Variants in RFC3 observed in about 807,000 individuals in gnomAD.
RFC3 encodes the protein A1 38 kDa subunit.
In RFC3, 41 loss-of-function variants were observed where a neutral mutation model predicts 45.1. That is an observed-to-expected ratio of 0.91 (90% CI 0.71 to 1.18). The LOEUF is 1.18. RFC3 is among the 50% of genes most tolerant of loss of function. RFC3 has a pLI of 0.00. For missense variants in RFC3, 423 were observed against 428.1 expected (o/e 0.99, Z 0.10); for synonymous variants, 149 against 144.0 (o/e 1.03, Z -0.25).
intron 8 of RFC3, among the ~76,000 whole-genome samples, chr13:33,944,755 C>T (rs1025129774): frequency 3.3e-5 from 5 of 152,086 alleles, no homozygotes; most frequent in South Asian, 4.1e-4. Flanking sequence ...CCCACCCACA[C>T]GCACACACTC....
chr13:33,822,846 C>T (rs1290619678), intron 2 of RFC3, among the ~76,000 whole-genome samples: 1 of 152,016 alleles, frequency 6.6e-6, no homozygotes, highest in Middle Eastern at 3.2e-3. Context: ...AAAGTAGATA[C>T]CTGGATATAT....
rs76307050 is a variant in RFC3, at chr13:33,957,005, A to G, written c.880-9082A>G. On this transcript the variant is annotated intron_variant, in intron 8 of 8. Transcript: ENST00000434425. ...ATCATCTAACATTTATCTACCTACT[A>G]TCTATTATCTATCATCTATCTATCC... 1.7e-3 allele frequency among the ~76,000 whole-genome samples: 264 copies of G among 152,170 alleles called. 5 individuals are homozygous for G. In the East Asian group the frequency reaches 0.043, roughly 25 times the overall value.
At chr13:33,948,440 C>G (rs2137823351) in intron 8 of RFC3, among the ~76,000 whole-genome samples, 1 of 152,366 alleles carries the variant, frequency 6.6e-6, no homozygotes, top group South Asian at 2.1e-4. Context: ...AGAACCTCCA[C>G]TAGGGCAGTG....
chr13:33,828,239 T>A (rs1380209303), intron 4 of RFC3, among the ~76,000 whole-genome samples: 1 of 152,212 alleles, frequency 6.6e-6, no homozygotes, highest in African/African-American at 2.4e-5. Flanking sequence ...TTATTGGGAT[T>A]CTTTCCTTTG....
At position 33,897,373 on chromosome 13, in the gene RFC3, T is replaced by A. The variant is rs192298998; in HGVS notation, c.879+62156T>A. Reference sequence around the variant, plus strand: ...AAAATAACTTGTTACATATATGAAATTTTTTTGATAAGCCTCATGGTACTC... The same window carrying A: ...AAAATAACTTGTTACATATATGAAAATTTTTTGATAAGCCTCATGGTACTC... On this transcript the variant is annotated intron_variant, in intron 8 of 8. Coordinates refer to the RFC3 transcript ENST00000434425. Among the ~76,000 whole-genome samples the A allele has an allele frequency of 2.1e-3, 309 of 149,782 alleles. 3 individuals are homozygous for A. The East Asian group carries it at 0.038, about 18-fold the overall frequency.
At chr13:33,898,778 A>G (rs927694348) in intron 8 of RFC3, among the ~76,000 whole-genome samples, 1 of 151,824 alleles carries the variant, frequency 6.6e-6, no homozygotes, top group African/African-American at 2.4e-5. Context: ...AAGAGAGAAA[A>G]TCCAGGTAAA....
chr13:33,893,358 G>A, intron 8 of RFC3, among the ~76,000 whole-genome samples: 1 of 152,190 alleles, frequency 6.6e-6, no homozygotes, highest in South Asian at 2.1e-4. Flanking sequence ...CAACAACCTA[G>A]CACTGAAGAA....
At chr13:33,923,355 CA>C (rs931071421) in intron 8 of RFC3, among the ~76,000 whole-genome samples, 1 of 151,904 alleles carries the variant, frequency 6.6e-6, no homozygotes, top group Non-Finnish European at 1.5e-5. Flanking sequence ...CAGCTGGGCC[CA>C]AAAAATGCCA....
chr13:33,834,531 T>G (rs3135626), intron 7 of RFC3, among the ~76,000 whole-genome samples: 2,593 of 151,952 alleles, frequency 0.017, 66 homozygotes, highest in East Asian at 0.11. Flanking sequence ...GGTTGCGTGC[T>G]TACCTGTAAA....
At chr13:33,972,433 A>C in the RFC3 span, among the ~76,000 whole-genome samples, 2 of 152,060 alleles carry the variant, frequency 1.3e-5, no homozygotes, top group African/African-American at 4.8e-5. Context: ...CCTAGATTGG[A>C]GTTCTTTTCT....
chr13:33,906,073 A>G (rs2082670262), intron 8 of RFC3, among the ~76,000 whole-genome samples: 2 of 152,132 alleles, frequency 1.3e-5, no homozygotes, highest in South Asian at 2.1e-4. Context: ...TTATAATGCT[A>G]TGCATACAGT....
At chr13:33,908,051 A>C (rs897738637) in intron 8 of RFC3, among the ~76,000 whole-genome samples, 8 of 151,770 alleles carry the variant, frequency 5.3e-5, no homozygotes, top group Admixed American at 4.6e-4. Flanking sequence ...ATAAAATTTT[A>C]TTTTCTTTTT....
At position 33,829,825 on chromosome 13, in the gene RFC3, C is replaced by T. The variant is rs370103377; in HGVS notation, c.392-11C>T. The T allele has an allele frequency of 3.1e-6, 5 of 1,611,814 alleles. No homozygotes were observed. The highest frequency in any genetic ancestry group is 4.2e-6 in the Non-Finnish European group (5 of 1,177,960). ...TCAAGTTAAAGTTTGTTTTGTTTCT[C>T]TTTGACTCAGTGGTATTATTGACAG... is the stretch of plus-strand genomic sequence containing the variant. On this transcript the variant is annotated splice_polypyrimidine_tract_variant and intron_variant, in intron 4 of 8. Coordinates refer to ENST00000380071, the MANE Select transcript of RFC3 (RefSeq NM_002915.4).
At chr13:33,897,655 A>G (rs1466361113) in intron 8 of RFC3, among the ~76,000 whole-genome samples, 1 of 152,120 alleles carries the variant, frequency 6.6e-6, no homozygotes, top group Non-Finnish European at 1.5e-5. Flanking sequence ...ACCCAACTGT[A>G]TGCTGCCTTC....
chr13:33,888,480 T>C (rs755820706), intron 8 of RFC3, among the ~76,000 whole-genome samples: 1 of 151,380 alleles, frequency 6.6e-6, no homozygotes. Flanking sequence ...CTATGACTAT[T>C]TCTCAAGTGC....
At chr13:33,831,413 A>G (rs1366280753) in intron 7 of RFC3, 59 bp downstream of exon 7, 2 of 879,900 alleles carry the variant, frequency 2.3e-6, no homozygotes, top group African/African-American at 3.4e-5. Context: ...TAGGACACAT[A>G]TTAACTATTT....
At chr13:33,838,941 G>T (rs1251299856), downstream of RFC3, among the ~76,000 whole-genome samples, 1 of 151,844 alleles carries the variant, frequency 6.6e-6, no homozygotes, top group African/African-American at 2.4e-5. Flanking sequence ...TGTGTAATTT[G>T]TCTCCACCGC....
chr13:33,863,421 G>C (rs2082354196), intron 8 of RFC3, among the ~76,000 whole-genome samples: 1 of 152,206 alleles, frequency 6.6e-6, no homozygotes, highest in South Asian at 2.1e-4. Context: ...GGAGGAGGAA[G>C]GGTGTTTGGG....
intron 8 of RFC3, among the ~76,000 whole-genome samples, chr13:33,896,387 A>C (rs1014554363): frequency 6.6e-6 from 1 of 152,048 alleles, no homozygotes; most frequent in Non-Finnish European, 1.5e-5. Context: ...TTAAACTCTC[A>C]ATGTTCAAAG....
Sources: gnomAD v4.1 joint callset for allele counts (sites outside exome capture counted in the v4.1 genomes callset) on GRCh38, gnomAD v4.1.1 for gene constraint, MANE v1.5 for transcripts, NCBI Gene and HGNC (gene_info 2026-07-23, HGNC 2026-07-21) for gene names.